The following GPR89B variants were observed in gnomAD, a reference collection of about 807,000 sequenced individuals.
GPR89B encodes G protein-coupled receptor 89B.
GPR89B carries 25 observed loss-of-function variants against 52.4 expected under a neutral mutation model. That is an observed-to-expected ratio of 0.48 (90% CI 0.35 to 0.67). The LOEUF is 0.67. Ranked by LOEUF, GPR89B falls within the 30% of genes least tolerant of loss-of-function variation. The pLI is 0.01. For missense variants in GPR89B, 146 were observed against 450.2 expected, an observed-to-expected ratio of 0.32 and a Z score of 6.11; for synonymous variants, 52 against 151.2, an observed-to-expected ratio of 0.34 and a Z score of 4.81.
rs2149077384 is a variant in GPR89B at position 147,970,115 on chromosome 1, A to G, written c.909+156A>G. On this transcript the variant is annotated intron_variant, in intron 10 of 13. Transcript: ENST00000314163. ...TCCACATCTCTGGGCTTCATTTGTT[A>G]TCCTCTCTCCTTTTTAGATTACATA... 2.0e-5 allele frequency among the ~76,000 whole-genome samples: 3 copies of G among 151,890 alleles called. No individual in the cohort carries two copies. The East Asian group carries it at 5.8e-4, about 29-fold the overall frequency.
chr1:148,007,269 G>A, the GPR89B span, among the ~76,000 whole-genome samples: 1 of 151,318 alleles, frequency 6.6e-6, no homozygotes, highest in Non-Finnish European at 1.5e-5. Context: ...TAGAGACAGG[G>A]TTTCACCGTG....
intron 5 of GPR89B, among the ~76,000 whole-genome samples, chr1:147,952,028 T>C (rs1327756664): frequency 1.4e-5 from 2 of 147,656 alleles, no homozygotes; most frequent in African/African-American, 2.5e-5. Context: ...TGTAGTAGAG[T>C]GAAGGTAGTT....
the GPR89B span, chr1:148,011,587 C>T: frequency 6.6e-6 from 1 of 152,208 alleles, no homozygotes; most frequent in Non-Finnish European, 1.5e-5. Context: ...CATCAGCGGC[C>T]CAAGGAAAAG....
At chr1:148,020,639 G>A in the GPR89B span, among the ~76,000 whole-genome samples, 251 of 151,930 alleles carry the variant, frequency 1.7e-3, 1 homozygote, top group Non-Finnish European at 2.2e-3. Flanking sequence ...CTACTGTATA[G>A]TCCTTGGGTT....
At chr1:148,001,182 G>A in the GPR89B span, 1 of 225,494 alleles carries the variant, frequency 4.4e-6, no homozygotes, top group East Asian at 5.5e-5. Context: ...TTTGAGTTGA[G>A]CTTCAGTTTA....
At chr1:147,963,347 G>T (rs1384722070) in intron 7 of GPR89B, among the ~76,000 whole-genome samples, 14 of 151,614 alleles carry the variant, frequency 9.2e-5, no homozygotes, top group African/African-American at 3.4e-4. Context: ...CTGTACTCTA[G>T]CCTGGGTGAC....
At chr1:147,933,050 G>A (rs1653781682) in intron 1 of GPR89B, among the ~76,000 whole-genome samples, 1 of 152,108 alleles carries the variant, frequency 6.6e-6, no homozygotes, top group African/African-American at 2.4e-5. Context: ...TTAGCCTGGA[G>A]TATAGTAAAT....
intron 1 of GPR89B, among the ~76,000 whole-genome samples, 157 bp from the exon 2 acceptor site, chr1:147,936,470 G>A (rs1297326720): frequency 6.6e-6 from 1 of 152,212 alleles, no homozygotes; most frequent in East Asian, 1.9e-4. Context: ...CCAATGTCAT[G>A]AGCTTTAATA....
the GPR89B span, among the ~76,000 whole-genome samples, chr1:148,012,890 T>C: frequency 1.3e-5 from 2 of 152,012 alleles, no homozygotes; most frequent in South Asian, 4.1e-4. Context: ...GATATATGTG[T>C]AAGAATACAC....
chr1:147,944,119 A>G (rs1553249412), intron 5 of GPR89B, 21 bp downstream of exon 5: 28 of 1,590,010 alleles, frequency 1.8e-5, no homozygotes, highest in Non-Finnish European at 2.3e-5. Flanking sequence ...ATAGGAGGGC[A>G]GAGGAAGTGG....
rs181470099 is a variant in GPR89B, at chr1:147,951,372, T to C, written c.416-1973T>C. 9.4e-4 allele frequency among the ~76,000 whole-genome samples: 143 copies of C among 152,210 alleles called. 2 individuals carry two copies. Among genetic ancestry groups the C allele is most frequent in the African/African-American group, 3.4e-3 (141 of 41,458 alleles). On this transcript the variant is annotated intron_variant, in intron 5 of 13. Coordinates refer to ENST00000314163, the MANE Select transcript of GPR89B (RefSeq NM_016334.5). ...CCATTACAATTACTAGTGAAAGTAA[T>C]TTCATTCAATAAAGAAGAATGGGAA...
At chr1:147,937,762 T>C (rs1383705479) in intron 2 of GPR89B, among the ~76,000 whole-genome samples, 3 of 152,202 alleles carry the variant, frequency 2.0e-5, no homozygotes, top group Non-Finnish European at 4.4e-5. Context: ...TTTTTCAGGG[T>C]GCACTAATTT....
At chr1:148,000,130 A>G in the GPR89B span, among the ~76,000 whole-genome samples, 1 of 152,054 alleles carries the variant, frequency 6.6e-6, no homozygotes, top group Admixed American at 6.5e-5. Flanking sequence ...AGGTTAGTAT[A>G]GTACATCTGA....
At chr1:147,995,402 A>G (rs1307956774), downstream of GPR89B, among the ~76,000 whole-genome samples, 1 of 151,396 alleles carries the variant, frequency 6.6e-6, no homozygotes, top group Non-Finnish European at 1.5e-5. Flanking sequence ...GCTGCATGCT[A>G]TGAAAGTAAG....
chr1:147,930,739 A>C (rs1358371344), intron 1 of GPR89B, among the ~76,000 whole-genome samples: 6 of 147,968 alleles, frequency 4.1e-5, no homozygotes, highest in Non-Finnish European at 6.1e-5. Flanking sequence ...ACTCCTTTAC[A>C]TGGCTTTTCA....
rs1401509910 is a variant in GPR89B at position 147,989,673 on chromosome 1, T to C, written c.1095+1152T>C. ...TTCAATTCCCACCTATGAGTGGGAA[T>C]ATGCAGTGTTTGGCTTTTTGTCCTT... is the stretch of plus-strand genomic sequence containing the variant. On this transcript the variant is annotated intron_variant, in intron 12 of 13. Coordinates refer to ENST00000314163, the MANE Select transcript of GPR89B (RefSeq NM_016334.5). 3.3e-5 allele frequency among the ~76,000 whole-genome samples: 5 copies of C among 152,136 alleles called. No homozygotes were observed. In the East Asian group the frequency reaches 9.7e-4, roughly 30 times the overall value.
At chr1:148,010,604 C>T in the GPR89B span, 2 of 152,322 alleles carry the variant, frequency 1.3e-5, no homozygotes, top group Non-Finnish European at 2.9e-5. Context: ...TCTCCAGCTC[C>T]TGGGTCTTTG....
chr1:148,024,923 T>C, the GPR89B span, among the ~76,000 whole-genome samples: 1 of 152,034 alleles, frequency 6.6e-6, no homozygotes, highest in South Asian at 2.1e-4. Context: ...AACACCATCC[T>C]TCCGTATGCT....
At chr1:148,015,433 G>A in the GPR89B span, among the ~76,000 whole-genome samples, 3 of 148,006 alleles carry the variant, frequency 2.0e-5, no homozygotes, top group East Asian at 5.9e-4. Flanking sequence ...TCCTGCCTCA[G>A]CCTCCCGAGT....
Sources: gnomAD v4.1 joint callset for allele counts (sites outside exome capture counted in the v4.1 genomes callset) on GRCh38, gnomAD v4.1.1 for gene constraint, MANE v1.5 for transcripts, NCBI Gene and HGNC (gene_info 2026-07-23, HGNC 2026-07-21) for gene names.